Variants in PDE1A observed in about 807,000 individuals in gnomAD.
The protein encoded by PDE1A is phosphodiesterase 1A, also known as dual specificity calcium/calmodulin-dependent 3',5'-cyclic nucleotide phosphodiesterase 1A.
PDE1A carries 35 observed loss-of-function variants against 61.7 expected under a neutral mutation model. The observed-to-expected ratio is 0.57, with a 90% CI of 0.43 to 0.75. The LOEUF (loss-of-function observed/expected upper bound fraction) is 0.75. PDE1A is among the 30% of genes least tolerant of loss of function. The probability of loss-of-function intolerance (pLI) is 0.00; values close to 1 mark genes in which losing one functional copy is unlikely to be tolerated. For missense variants in PDE1A, 597 were observed against 630.6 expected (o/e 0.95, Z 0.57); for synonymous variants, 232 against 213.2 (o/e 1.09, Z -0.77).
chr2:182,265,721 TG>T (rs1430962613), intron 1 of PDE1A, among the ~76,000 whole-genome samples: 1 of 152,174 alleles, frequency 6.6e-6, no homozygotes, highest in African/African-American at 2.4e-5. Context: ...TGCATTAAAT[TG>T]TAAGCTGCGT....
the PDE1A span, among the ~76,000 whole-genome samples, chr2:182,612,602 AT>A: frequency 6.6e-6 from 1 of 152,248 alleles, no homozygotes; most frequent in African/African-American, 2.4e-5. Flanking sequence ...TCCAATCTAT[AT>A]GTAAATTAAT....
At chr2:182,572,650 CACG>C in the PDE1A span, among the ~76,000 whole-genome samples, 632 of 152,130 alleles carry the variant, frequency 4.2e-3, 1 homozygote, top group Non-Finnish European at 6.9e-3. Flanking sequence ...GCGGGCGGAT[CACG>C]AGGTCAGGAG....
chr2:182,278,541 T>C (rs79394323), intron 1 of PDE1A, among the ~76,000 whole-genome samples: 15,868 of 97,472 alleles, frequency 0.16, 1,175 homozygotes, highest in East Asian at 0.48. Context: ...TCATTTTGAT[T>C]ATTTAGCAGT....
At chr2:182,215,593 G>A (rs1260109903) in intron 7 of PDE1A, among the ~76,000 whole-genome samples, 3 of 141,392 alleles carry the variant, frequency 2.1e-5, no homozygotes, top group East Asian at 4.5e-4. Flanking sequence ...TATCACCACC[G>A]ATTCCAAAGA....
chr2:182,628,919 G>C, the PDE1A span, among the ~76,000 whole-genome samples: 1 of 152,084 alleles, frequency 6.6e-6, no homozygotes, highest in Non-Finnish European at 1.5e-5. Flanking sequence ...GTGATGGTAT[G>C]GGATGTCAGT....
intron 1 of PDE1A, among the ~76,000 whole-genome samples, chr2:182,386,237 C>T (rs940420445): frequency 6.6e-6 from 1 of 152,106 alleles, no homozygotes; most frequent in Non-Finnish European, 1.5e-5. Context: ...TCCCAAAGTG[C>T]CGAGATTACA....
chr2:182,375,223 C>G (rs189011706), intron 1 of PDE1A, among the ~76,000 whole-genome samples: 1 of 152,126 alleles, frequency 6.6e-6, no homozygotes, highest in Non-Finnish European at 1.5e-5. Context: ...CAGCAGTACC[C>G]CAAAGTCCTA....
chr2:182,460,579 T>C (rs1205435442), intron 2 of PDE1A, among the ~76,000 whole-genome samples: 1 of 152,150 alleles, frequency 6.6e-6, no homozygotes, highest in African/African-American at 2.4e-5. Context: ...GCATTTGCCT[T>C]GTTTCCTTTG....
the PDE1A span, among the ~76,000 whole-genome samples, chr2:182,689,791 T>C: frequency 4.0e-5 from 6 of 151,578 alleles, no homozygotes; most frequent in Non-Finnish European, 4.4e-5. Context: ...GCAAGACTAA[T>C]AAAGAAGAAA....
downstream of PDE1A, among the ~76,000 whole-genome samples, chr2:182,164,152 A>G (rs565321147): frequency 2.6e-4 from 39 of 152,298 alleles, no homozygotes; most frequent in South Asian, 7.9e-3. Flanking sequence ...GCAGTATTCT[A>G]TCGTCACATG....
Position 182,451,139 on chromosome 2 carries a change from G to A in PDE1A, c.101+71137C>T, listed in dbSNP as rs1685489538. Among the ~76,000 whole-genome samples the A allele has an allele frequency of 2.4e-5, 2 of 82,364 alleles. 1 individual carries two copies. Among genetic ancestry groups the A allele is most frequent in the African/African-American group, 8.7e-5 (2 of 23,066 alleles). 54.0% of individuals were successfully genotyped at this position (82,364 alleles called of 152,430 possible). The stretch of plus-strand genomic sequence containing the variant: ...CACGCCTGTAATCCCAGCACTTTGG[G>A]AGGCCGAGGCGGGCGGATCACGAAG... On this transcript the variant is annotated intron_variant, in intron 2 of 14. Coordinates refer to the PDE1A transcript ENST00000410103.
chr2:182,654,822 C>T, the PDE1A span, among the ~76,000 whole-genome samples: 1 of 152,268 alleles, frequency 6.6e-6, no homozygotes, highest in East Asian at 1.9e-4. Context: ...CTGTTCACAA[C>T]TCTTTTTTTT....
chr2:182,235,384 C>T (rs374842511), intron 3 of PDE1A, among the ~76,000 whole-genome samples: 19 of 152,288 alleles, frequency 1.2e-4, no homozygotes, highest in East Asian at 7.7e-4. Flanking sequence ...CCTCGTGATC[C>T]GCCCACATTG....
At chr2:182,147,072 T>A (rs1289246977) in exon 14 of PDE1A, 2 of 1,581,914 alleles carry the variant, frequency 1.3e-6, no homozygotes, top group Non-Finnish European at 1.7e-6. Context: ...TTTAAGGTGT[T>A]TCGGGCCTAT....
the PDE1A span, among the ~76,000 whole-genome samples, chr2:182,606,957 GC>G: frequency 6.6e-6 from 1 of 152,208 alleles, no homozygotes; most frequent in Admixed American, 6.5e-5. Context: ...AGAAGGTGCT[GC>G]CGCTGAGGAG....
intron 1 of PDE1A, among the ~76,000 whole-genome samples, chr2:182,277,724 A>T (rs1693530610): frequency 6.6e-6 from 1 of 152,098 alleles, no homozygotes; most frequent in Admixed American, 6.6e-5. Context: ...GAGACACCTG[A>T]TTCTTAAGTG....
chr2:182,156,480 G>C (rs1289460907), intron 13 of PDE1A, among the ~76,000 whole-genome samples: 1 of 152,040 alleles, frequency 6.6e-6, no homozygotes, highest in Non-Finnish European at 1.5e-5. Flanking sequence ...GACTCAAAGG[G>C]GAAAGTATCT....
At chr2:182,676,524 T>C in the PDE1A span, among the ~76,000 whole-genome samples, 13 of 151,506 alleles carry the variant, frequency 8.6e-5, no homozygotes, top group South Asian at 6.3e-4. Flanking sequence ...ACTAAAATTA[T>C]CCCAAAAATT....
chr2:182,670,759 T>C, the PDE1A span, among the ~76,000 whole-genome samples: 1 of 152,158 alleles, frequency 6.6e-6, no homozygotes, highest in Non-Finnish European at 1.5e-5. Flanking sequence ...GAAATCTTGT[T>C]GATGTGGAAG....
Sources: allele counts gnomAD v4.1 joint callset (sites outside exome capture counted in the v4.1 genomes callset), GRCh38; gene constraint gnomAD v4.1.1; transcripts MANE v1.5; gene names NCBI Gene and HGNC (gene_info 2026-07-23, HGNC 2026-07-21).